DCC: variants seen among roughly 807,000 people sequenced by gnomAD.
DCC encodes netrin receptor DCC.
Under a neutral mutation model 172.5 loss-of-function variants are expected in DCC, and 58 were observed. The observed-to-expected ratio is 0.34, with a 90% confidence interval of 0.27 to 0.42. The LOEUF is 0.42. DCC is among the 10% of genes least tolerant of loss of function. DCC has a pLI of 1.00. For synonymous variants in DCC, 709 were observed against 644.5 expected (o/e 1.10, Z -1.52); for missense variants, 1,740 against 1,791.0 (o/e 0.97, Z 0.51).
intron 9 of DCC, among the ~76,000 whole-genome samples, chr18:53,190,507 C>T (rs1440348388): frequency 2.0e-5 from 3 of 148,546 alleles, no homozygotes; most frequent in Admixed American, 1.3e-4. Flanking sequence ...TGTGTGTACA[C>T]AAACTAAGAT....
At chr18:52,886,565 C>T (rs1754559119) in intron 2 of DCC, among the ~76,000 whole-genome samples, 1 of 152,174 alleles carries the variant, frequency 6.6e-6, no homozygotes, top group South Asian at 2.1e-4. Context: ...ATGTCACTTG[C>T]CTAAGACAAG....
intron 2 of DCC, among the ~76,000 whole-genome samples, chr18:52,783,188 A>T (rs544491869): frequency 6.6e-6 from 1 of 152,066 alleles, no homozygotes; most frequent in Non-Finnish European, 1.5e-5. Context: ...TAAGCTGTCA[A>T]TTAGAATGAG....
chr18:52,676,092 A>G (rs2144979999), intron 1 of DCC, among the ~76,000 whole-genome samples: 1 of 152,322 alleles, frequency 6.6e-6, no homozygotes, highest in South Asian at 2.1e-4. Flanking sequence ...CTTGCTGTTT[A>G]GCAAAACAAG....
intron 1 of DCC, among the ~76,000 whole-genome samples, chr18:52,429,094 C>T (rs576126690): frequency 2.0e-4 from 31 of 152,168 alleles, no homozygotes; most frequent in Non-Finnish European, 5.9e-5. Context: ...AGTTATACAA[C>T]ACAAAAGTGA....
chr18:52,799,557 G>GCT (rs1244372407), intron 2 of DCC, among the ~76,000 whole-genome samples: 2 of 152,096 alleles, frequency 1.3e-5, no homozygotes, highest in Non-Finnish European at 2.9e-5. Context: ...ATCATGATAG[G>GCT]CTCTATCCAG....
chr18:53,330,497 G>T (rs1266565555), intron 14 of DCC, among the ~76,000 whole-genome samples: 1 of 152,120 alleles, frequency 6.6e-6, no homozygotes, highest in Non-Finnish European at 1.5e-5. Context: ...CCTCAGGTTT[G>T]CTATTTTTCT....
At chr18:53,099,151 A>T (rs924470927) in intron 7 of DCC, among the ~76,000 whole-genome samples, 11 of 152,122 alleles carry the variant, frequency 7.2e-5, no homozygotes, top group African/African-American at 2.7e-4. Context: ...TATTACTAAT[A>T]AGTTGCCAAA....
chr18:52,581,945 G>C (rs537087935), intron 1 of DCC, among the ~76,000 whole-genome samples: 1 of 152,082 alleles, frequency 6.6e-6, no homozygotes, highest in African/African-American at 2.4e-5. Flanking sequence ...GTTAACATAC[G>C]CTAGAAAACA....
chr18:52,736,508 C>T (rs13381890), intron 1 of DCC, among the ~76,000 whole-genome samples: 15 of 151,724 alleles, frequency 9.9e-5, no homozygotes, highest in African/African-American at 2.2e-4. Context: ...TGTGCAAGAG[C>T]GAGGGCACAT....
chr18:52,449,280 G>A (rs1421075548), intron 1 of DCC, among the ~76,000 whole-genome samples: 1 of 152,198 alleles, frequency 6.6e-6, no homozygotes, highest in Non-Finnish European at 1.5e-5. Context: ...TTTGGGTGGA[G>A]ACATAGAGAC....
At chr18:53,323,274 C>T (rs1019663266) in intron 14 of DCC, among the ~76,000 whole-genome samples, 4 of 152,070 alleles carry the variant, frequency 2.6e-5, no homozygotes, top group Admixed American at 2.6e-4. Flanking sequence ...TTGTCTTCCT[C>T]TTTTTCTCTT....
At chr18:52,932,410 A>T (rs922696540) in intron 5 of DCC, among the ~76,000 whole-genome samples, 1 of 152,128 alleles carries the variant, frequency 6.6e-6, no homozygotes, top group Non-Finnish European at 1.5e-5. Flanking sequence ...TGCATAATTT[A>T]AAAAGTGATT....
intron 12 of DCC, among the ~76,000 whole-genome samples, chr18:53,281,203 A>T (rs951209446): frequency 2.6e-5 from 4 of 152,178 alleles, no homozygotes; most frequent in African/African-American, 9.6e-5. Flanking sequence ...GCTACAAAAC[A>T]GTATTATTTG....
At chr18:52,626,476 C>A (rs2034575672) in intron 1 of DCC, among the ~76,000 whole-genome samples, 1 of 151,956 alleles carries the variant, frequency 6.6e-6, no homozygotes, top group Admixed American at 6.6e-5. Flanking sequence ...CTACTGTAGT[C>A]ATTCCTAATA....
intron 5 of DCC, among the ~76,000 whole-genome samples, chr18:52,960,820 T>C (rs924103028): frequency 6.6e-6 from 1 of 152,150 alleles, no homozygotes; most frequent in African/African-American, 2.4e-5. Flanking sequence ...AAGACCTTAT[T>C]GATGGATTGA....
rs1204340281 is a variant in DCC at position 53,066,217 on chromosome 18, G to A, written c.1261+51G>A. Reference sequence around the variant, plus strand: ...GTACCTGGAATGAAAATTATTCATAGTCTGTTGGTAAAATCCATATTGTTT... The same window carrying A: ...GTACCTGGAATGAAAATTATTCATAATCTGTTGGTAAAATCCATATTGTTT... On this transcript the variant is annotated intron_variant, in intron 7 of 28. Coordinates refer to ENST00000442544, the MANE Select transcript of DCC (RefSeq NM_005215.4). 1.7e-5 allele frequency: 27 copies of A among 1,579,090 alleles called. No individual in the cohort carries two copies. In the East Asian group the frequency reaches 4.3e-4, roughly 25 times the overall value.
chr18:52,440,070 CAAA>C (rs1231162832), intron 1 of DCC, among the ~76,000 whole-genome samples: 1 of 152,130 alleles, frequency 6.6e-6, no homozygotes, highest in African/African-American at 2.4e-5. Flanking sequence ...GAGAATGTGA[CAAA>C]GAAGAGTGGA....
At chr18:52,460,510 A>G (rs1988598212) in intron 1 of DCC, among the ~76,000 whole-genome samples, 1 of 151,802 alleles carries the variant, frequency 6.6e-6, no homozygotes, top group Non-Finnish European at 1.5e-5. Context: ...CTCTAACATA[A>G]TGTAGTCATA....
chr18:52,776,640 G>A (rs996146589), intron 2 of DCC, among the ~76,000 whole-genome samples: 3 of 152,012 alleles, frequency 2.0e-5, no homozygotes, highest in African/African-American at 7.2e-5. Flanking sequence ...GGATGGGCGG[G>A]GAAAGCTTAT....
Sources: gnomAD v4.1 joint callset for allele counts (sites outside exome capture counted in the v4.1 genomes callset) on GRCh38, gnomAD v4.1.1 for gene constraint, MANE v1.5 for transcripts, NCBI Gene and HGNC (gene_info 2026-07-23, HGNC 2026-07-21) for gene names.